ATXN7: variants seen among roughly 807,000 people sequenced by gnomAD.
The protein encoded by ATXN7 is ataxin 7.
ATXN7 carries 12 observed loss-of-function variants against 70.5 expected under a neutral mutation model. The ratio of observed to expected loss-of-function variants is 0.17; its 90% CI spans 0.11 to 0.28. The LOEUF (loss-of-function observed/expected upper bound fraction) is 0.28, where lower values mean the gene tolerates loss of function less well. Ranked by LOEUF, ATXN7 falls within the 10% of genes least tolerant of loss-of-function variation. The pLI is 1.00. For missense variants in ATXN7, 1,256 were observed against 1,131.7 expected, an observed-to-expected ratio of 1.11 and a Z score of -1.58; for synonymous variants, 498 against 448.7, an observed-to-expected ratio of 1.11 and a Z score of -1.39.
chr3:63,977,585 G>GT (rs2075409431), intron 5 of ATXN7, among the ~76,000 whole-genome samples: 1 of 152,114 alleles, frequency 6.6e-6, no homozygotes, highest in African/African-American at 2.4e-5. Flanking sequence ...TGAACTTACT[G>GT]TTTCACAGAT....
intron 4 of ATXN7, among the ~76,000 whole-genome samples, chr3:63,944,397 T>C (rs2074822254): frequency 6.6e-6 from 1 of 152,206 alleles, no homozygotes; most frequent in African/African-American, 2.4e-5. Flanking sequence ...GTAATAAGTA[T>C]TACTTGAACA....
chr3:63,899,207 T>C (rs1197864043), intron 2 of ATXN7, among the ~76,000 whole-genome samples: 2 of 151,744 alleles, frequency 1.3e-5, no homozygotes, highest in African/African-American at 2.4e-5. Context: ...GGACTACAGG[T>C]GTGCACCACT....
rs1042151376 is a variant in ATXN7 at position 63,913,342 on chromosome 3, A to C, written c.394+117A>C. Reference sequence around the variant, plus strand: ...GACTCCCCGACTCCCCGTGCCTGCGAAGATGCTGCCTGAGGAGGGAGGGAG... The same window carrying C: ...GACTCCCCGACTCCCCGTGCCTGCGCAGATGCTGCCTGAGGAGGGAGGGAG... On this transcript the variant is annotated intron_variant, in intron 4 of 12. Transcript: ENST00000674280. 3.2e-5 allele frequency: 35 copies of C among 1,110,906 alleles called. No homozygotes were observed. In the African/African-American group the frequency reaches 4.7e-4, roughly 15 times the overall value. 68.8% of individuals were successfully genotyped at this position (1,110,906 alleles called of 1,614,324 possible).
intron 5 of ATXN7, among the ~76,000 whole-genome samples, chr3:63,975,753 A>G (rs1249996583): frequency 6.6e-6 from 1 of 152,072 alleles, no homozygotes; most frequent in Non-Finnish European, 1.5e-5. Context: ...AGAGCTGTCC[A>G]CCCTCCTACA....
chr3:63,907,155 C>T (rs1341242535), intron 2 of ATXN7, among the ~76,000 whole-genome samples: 2 of 152,162 alleles, frequency 1.3e-5, no homozygotes, highest in Non-Finnish European at 2.9e-5. Flanking sequence ...TCTTGTTTTA[C>T]TCATTTTATA....
chr3:63,990,960 A>G, intron 11 of ATXN7, 101 bp downstream of exon 11: 2 of 1,570,844 alleles, frequency 1.3e-6, no homozygotes, highest in Non-Finnish European at 8.7e-7. Flanking sequence ...GCTTATCTAA[A>G]CAAAACTGGC....
chr3:63,894,399 T>C (rs1472029789), intron 1 of ATXN7, among the ~76,000 whole-genome samples: 1 of 152,236 alleles, frequency 6.6e-6, no homozygotes, highest in Non-Finnish European at 1.5e-5. Flanking sequence ...CTGTGGACTT[T>C]TCCATTTGCA....
chr3:63,900,913 G>A (rs1230950165), intron 2 of ATXN7: 2 of 152,298 alleles, frequency 1.3e-5, no homozygotes, highest in Non-Finnish European at 2.9e-5. Context: ...AATAAAGTGA[G>A]CCAGGTGGAA....
At chr3:63,993,206 G>A (rs1254292463) in intron 11 of ATXN7, among the ~76,000 whole-genome samples, 1 of 150,702 alleles carries the variant, frequency 6.6e-6, no homozygotes, top group Non-Finnish European at 1.5e-5. Context: ...GTCCTCTGTT[G>A]ATTTGGGACC....
intron 5 of ATXN7, among the ~76,000 whole-genome samples, chr3:63,978,592 C>T (rs1205922658): frequency 1.3e-5 from 2 of 152,220 alleles, no homozygotes; most frequent in Non-Finnish European, 2.9e-5. Context: ...TCCTTATACA[C>T]AGCTTTCATT....
At chr3:63,953,988 G>A (rs1040140215) in intron 5 of ATXN7, among the ~76,000 whole-genome samples, 2 of 152,132 alleles carry the variant, frequency 1.3e-5, no homozygotes, top group African/African-American at 4.8e-5. Context: ...CTTGGCTGTC[G>A]AGACTGCTGT....
intron 8 of ATXN7, 47 bp downstream of exon 8, chr3:63,983,068 G>A (rs994985234): frequency 6.9e-7 from 1 of 1,448,290 alleles, no homozygotes; most frequent in South Asian, 1.1e-5. Flanking sequence ...ATAAACATGG[G>A]TGACTGGGAT....
intron 8 of ATXN7, among the ~76,000 whole-genome samples, chr3:63,984,332 G>A (rs892171700): frequency 6.6e-6 from 1 of 152,038 alleles, no homozygotes; most frequent in Non-Finnish European, 1.5e-5. Flanking sequence ...GGATTTCTAG[G>A]TTAAAAACTC....
intron 12 of ATXN7, chr3:63,998,180 C>A (rs1307832623): frequency 2.2e-6 from 2 of 897,198 alleles, no homozygotes; most frequent in Non-Finnish European, 2.5e-6. Context: ...TTAATGCCCA[C>A]AAGTAACAAA....
At chr3:63,962,505 A>G (rs1042703425) in intron 5 of ATXN7, among the ~76,000 whole-genome samples, 2 of 151,994 alleles carry the variant, frequency 1.3e-5, no homozygotes, top group African/African-American at 2.4e-5. Context: ...CCCAGGTTCA[A>G]GTGATTCTCG....
chr3:63,937,363 C>CACATTGAAAAA (rs1345823543), intron 4 of ATXN7, among the ~76,000 whole-genome samples: 4 of 152,090 alleles, frequency 2.6e-5, no homozygotes, highest in Non-Finnish European at 5.9e-5. Context: ...TGTGGATTGT[C>CACATTGAAAAA]ACATTAGTTT....
chr3:63,880,469 G>T (rs913127737), intron 1 of ATXN7, among the ~76,000 whole-genome samples: 36 of 152,178 alleles, frequency 2.4e-4, no homozygotes, highest in Admixed American at 2.2e-3. Context: ...GTCTTTTGGT[G>T]CCTTTCCATT....
chr3:63,935,646 C>G (rs111390669), intron 4 of ATXN7, among the ~76,000 whole-genome samples: 1,555 of 152,226 alleles, frequency 0.01, 25 homozygotes, highest in African/African-American at 0.033. Flanking sequence ...TCTGCACTTT[C>G]CTGTGTTGTG....
intron 5 of ATXN7, among the ~76,000 whole-genome samples, chr3:63,969,482 A>G (rs2106718084): frequency 6.6e-6 from 1 of 152,346 alleles, no homozygotes; most frequent in South Asian, 2.1e-4. Context: ...TTTAAAAGAC[A>G]AAACAGAAAC....
Sources: allele counts gnomAD v4.1 joint callset (sites outside exome capture counted in the v4.1 genomes callset), GRCh38; gene constraint gnomAD v4.1.1; transcripts MANE v1.5; gene names NCBI Gene and HGNC (gene_info 2026-07-23, HGNC 2026-07-21).